Variants in TTLL5 observed in about 807,000 individuals in gnomAD.
The protein encoded by TTLL5 is tubulin polyglutamylase TTLL5.
In TTLL5, 132 loss-of-function variants were observed where a neutral mutation model predicts 168.4. That is an observed-to-expected ratio of 0.78 (90% CI 0.68 to 0.91). The LOEUF (loss-of-function observed/expected upper bound fraction) is 0.91. Among genes scored for constraint, TTLL5 ranks in the 40% least tolerant of loss-of-function variants. The pLI, the probability that TTLL5 is intolerant of heterozygous loss-of-function variation, is 0.00. For missense variants in TTLL5, 1,545 were observed against 1,581.5 expected (o/e 0.98, Z 0.39); for synonymous variants, 546 against 558.6 (o/e 0.98, Z 0.32).
At chr14:75,875,083 A>C (rs11629014) in intron 29 of TTLL5, among the ~76,000 whole-genome samples, 1 of 150,106 alleles carries the variant, frequency 6.7e-6, no homozygotes, top group African/African-American at 2.4e-5. Context: ...ACAGGTGCCC[A>C]CCACAACGCC....
chr14:75,772,799 C>T (rs1891427593), intron 21 of TTLL5, among the ~76,000 whole-genome samples: 1 of 151,940 alleles, frequency 6.6e-6, no homozygotes, highest in Non-Finnish European at 1.5e-5. Context: ...TCCCAAGTAG[C>T]TGTGATTACA....
intron 2 of TTLL5, among the ~76,000 whole-genome samples, chr14:75,667,751 G>GTTTTTTTTTTTTTTTTTTTTTTTTTT (rs67181555): frequency 3.4e-5 from 3 of 89,084 alleles, no homozygotes; most frequent in African/African-American, 4.4e-5. Flanking sequence ...ATCTTTTTAT[G>GTTTTTTTTTTTTTTTTTTTTTTTTTT]TTTTTTTTTT....
chr14:75,874,942 T>C (rs2031357191), intron 29 of TTLL5, among the ~76,000 whole-genome samples: 2 of 137,372 alleles, frequency 1.5e-5, no homozygotes, highest in South Asian at 4.9e-4. Context: ...CCTTTTTTTT[T>C]TTTTTTTTTG....
intron 27 of TTLL5, among the ~76,000 whole-genome samples, chr14:75,805,340 A>G (rs1191535392): frequency 3.3e-5 from 5 of 152,226 alleles, no homozygotes; most frequent in African/African-American, 1.2e-4. Context: ...CCACTGGCAT[A>G]TAGATCTTAT....
At chr14:75,773,957 A>AGAG (rs1891536422) in intron 21 of TTLL5, among the ~76,000 whole-genome samples, 8 of 43,350 alleles carry the variant, frequency 1.8e-4, no homozygotes, top group Non-Finnish European at 3.4e-4. Flanking sequence ...GAGAGAGAGA[A>AGAG]AGAGAGAGAG....
In TTLL5 at chr14:75,954,869, T is replaced by TTA. The variant is rs1238295280; in HGVS notation, c.*425_*426dup. The stretch of plus-strand genomic sequence containing the variant: ...CTTTTCCAGATTACAGTATGAAGCT[T>TTA]TATTTTCTTTGTACAAGCTTAAAAT... On this transcript the variant is annotated 3_prime_UTR_variant, in exon 32 of 32. Coordinates refer to ENST00000298832, the MANE Select transcript of TTLL5 (RefSeq NM_015072.5). 1.2e-5 allele frequency: 2 copies of TTA among 163,512 alleles called. No individual in the cohort carries two copies. Among genetic ancestry groups the TTA allele is most frequent in the African/African-American group, 4.8e-5 (2 of 41,900 alleles). The allele number at this position is 163,512 out of a possible 1,614,324, so 10.1% of individuals were successfully genotyped here.
chr14:75,948,595 G>A (rs2034852340), intron 31 of TTLL5, among the ~76,000 whole-genome samples: 1 of 150,610 alleles, frequency 6.6e-6, no homozygotes, highest in African/African-American at 2.4e-5. Context: ...GAAGAGGAGG[G>A]GCTGAAAGTT....
intron 12 of TTLL5, among the ~76,000 whole-genome samples, chr14:75,731,883 C>G (rs758601597): frequency 6.6e-6 from 1 of 152,068 alleles, no homozygotes; most frequent in South Asian, 2.1e-4. Context: ...AGAGAAATGC[C>G]TTCAGGAGAT....
chr14:75,951,154 G>A (rs10146822), intron 31 of TTLL5, among the ~76,000 whole-genome samples: 1,619 of 151,584 alleles, frequency 0.011, 29 homozygotes, highest in African/African-American at 0.038. Flanking sequence ...GACCAGGCTG[G>A]GCAATATAGG....
chr14:75,712,909 G>A (rs1887189113), intron 9 of TTLL5, among the ~76,000 whole-genome samples: 2 of 152,132 alleles, frequency 1.3e-5, no homozygotes. Context: ...GTTAAAAAGG[G>A]GGGAGGGGGC....
rs529738616 is a variant in TTLL5 at position 75,732,398 on chromosome 14, A to C, written c.1103A>C (p.Asn368Thr). ...STLKPWLLEV[N>T]LSPSLACDAP... ...CTGAAGCCATGGTTGTTGGAAGTGA[A>C]TCTCTCTCCTTCTTTGGCCTGGTAA... is the stretch of plus-strand genomic sequence containing the variant. Residue 368 changes from asparagine (N) to threonine (T), a missense_variant, in exon 13 of 32, where the codon AAT becomes ACT. Asn to Thr is a moderately conservative substitution (Grantham distance 65, BLOSUM62 0). Coordinates refer to ENST00000298832, the MANE Select transcript of TTLL5 (RefSeq NM_015072.5). 1.2e-6 allele frequency: 2 copies of C among 1,610,104 alleles called. No individual in the cohort carries two copies. The highest frequency in any genetic ancestry group is 1.7e-6 in the Non-Finnish European group (2 of 1,177,264).
At chr14:75,791,777 C>T (rs1168287903) in intron 26 of TTLL5, among the ~76,000 whole-genome samples, 1 of 151,956 alleles carries the variant, frequency 6.6e-6, no homozygotes, top group Non-Finnish European at 1.5e-5. Context: ...GTTGTATATG[C>T]AGAATGATCA....
chr14:75,681,645 A>C lies in TTLL5; in HGVS notation c.264+18A>C. The C allele has an allele frequency of 6.2e-7, 1 of 1,604,820 alleles. No homozygotes were observed. The highest frequency in any genetic ancestry group is 8.5e-7 in the Non-Finnish European group (1 of 1,173,092). On this transcript the variant is annotated intron_variant, in intron 4 of 31. Coordinates refer to ENST00000298832, the MANE Select transcript of TTLL5 (RefSeq NM_015072.5). ...TTCATGAAGTAAGTTTATTTTTAAT[A>C]CCTCACCTGATCTGCTCATAAGCTG...
intron 3 of TTLL5, among the ~76,000 whole-genome samples, chr14:75,671,086 G>T (rs1030509197): frequency 6.6e-6 from 1 of 152,060 alleles, no homozygotes; most frequent in Non-Finnish European, 1.5e-5. Flanking sequence ...TTTCATGTAG[G>T]GTTATGTAAG....
intron 15 of TTLL5, 126 bp from the exon 16 acceptor site, chr14:75,744,969 T>C: frequency 2.7e-6 from 2 of 739,842 alleles, no homozygotes; most frequent in Non-Finnish European, 4.3e-6. Context: ...TTACAGAAAG[T>C]GGGCTATGAA....
chr14:75,711,957 G>C (rs1398635291), intron 9 of TTLL5: 1 of 152,396 alleles, frequency 6.6e-6, no homozygotes, highest in East Asian at 1.9e-4. Context: ...CAAGTAGGGG[G>C]GAAGAGACAC....
At chr14:75,810,672 T>C (rs909982928) in intron 27 of TTLL5, among the ~76,000 whole-genome samples, 2 of 152,202 alleles carry the variant, frequency 1.3e-5, no homozygotes, top group African/African-American at 4.8e-5. Context: ...TGACCCTAAA[T>C]CTTTAATGCT....
intron 23 of TTLL5, among the ~76,000 whole-genome samples, chr14:75,777,921 A>C (rs1044304979): frequency 6.6e-6 from 1 of 152,116 alleles, no homozygotes; most frequent in African/African-American, 2.4e-5. Context: ...TATGATTGAT[A>C]AAACAGGTAT....
intron 31 of TTLL5, among the ~76,000 whole-genome samples, chr14:75,945,256 TATAAA>T (rs1346935446): frequency 6.8e-6 from 1 of 148,140 alleles, no homozygotes; most frequent in Non-Finnish European, 1.5e-5. Context: ...ATATATTATA[TATAAA>T]AAAAAATTTT....
Sources: gnomAD v4.1 joint callset for allele counts (sites outside exome capture counted in the v4.1 genomes callset) on GRCh38, gnomAD v4.1.1 for gene constraint, MANE v1.5 for transcripts, NCBI Gene and HGNC (gene_info 2026-07-23, HGNC 2026-07-21) for gene names.